FGF1: variants seen among roughly 807,000 people sequenced by gnomAD.
FGF1 encodes the protein beta-endothelial cell growth factor.
A neutral mutation model predicts 13.4 loss-of-function variants in FGF1; 9 were observed. That is an observed-to-expected ratio of 0.67 (90% confidence interval 0.40 to 1.17). The LOEUF is 1.17. Among genes scored for constraint, FGF1 ranks in the 50% most tolerant of loss-of-function variants. FGF1 has a pLI of 0.01. For synonymous variants in FGF1, 93 were observed against 79.0 expected (o/e 1.18, Z -0.94); for missense variants, 156 against 192.7 (o/e 0.81, Z 1.13).
chr5:142,617,273 G>A (rs866881438), intron 1 of FGF1, among the ~76,000 whole-genome samples: 1 of 152,140 alleles, frequency 6.6e-6, no homozygotes, highest in Non-Finnish European at 1.5e-5. Flanking sequence ...GCTGAGGCAG[G>A]AGAATGGCAT....
chr5:142,597,153 C>A (rs1158083968), intron 3 of FGF1, among the ~76,000 whole-genome samples: 1 of 152,136 alleles, frequency 6.6e-6, no homozygotes, highest in Admixed American at 6.5e-5. Flanking sequence ...GCACAGTTGG[C>A]GAGAAAAATT....
At chr5:142,617,307 G>A (rs1235318447) in intron 1 of FGF1, among the ~76,000 whole-genome samples, 1 of 152,136 alleles carries the variant, frequency 6.6e-6, no homozygotes, top group African/African-American at 2.4e-5. Flanking sequence ...GACAGTTGCA[G>A]TGAGCCAAGA....
chr5:142,653,850 T>C (rs574342478), intron 1 of FGF1, among the ~76,000 whole-genome samples: 1 of 152,218 alleles, frequency 6.6e-6, no homozygotes, highest in East Asian at 1.9e-4. Context: ...TCTCAGCACT[T>C]TGGGAGGCTG....
chr5:142,657,672 C>T (rs540083331), intron 1 of FGF1, among the ~76,000 whole-genome samples: 172 of 152,364 alleles, frequency 1.1e-3, no homozygotes, highest in African/African-American at 3.8e-3. Context: ...CTGCTGGCTG[C>T]GGCTGCGGCC....
chr5:142,628,619 G>C (rs1762840202), intron 1 of FGF1, among the ~76,000 whole-genome samples: 1 of 152,104 alleles, frequency 6.6e-6, no homozygotes, highest in Non-Finnish European at 1.5e-5. Flanking sequence ...CTCAAAACAT[G>C]GTTTGCTTTT....
chr5:142,696,075 G>A (rs1753066103), intron 2 of FGF1, among the ~76,000 whole-genome samples: 1 of 152,176 alleles, frequency 6.6e-6, no homozygotes, highest in South Asian at 2.1e-4. Context: ...TCTGGGCCTG[G>A]TGCATGGTCT....
At chr5:142,610,944 C>T (rs904823032) in intron 2 of FGF1, among the ~76,000 whole-genome samples, 10 of 152,120 alleles carry the variant, frequency 6.6e-5, no homozygotes, top group Non-Finnish European at 1.2e-4. Flanking sequence ...AAAGAGAAGC[C>T]GTGAAAGGAG....
At chr5:142,638,358 C>G (rs1764627931) in intron 1 of FGF1, among the ~76,000 whole-genome samples, 1 of 152,068 alleles carries the variant, frequency 6.6e-6, no homozygotes, top group Non-Finnish European at 1.5e-5. Context: ...TCCTTCTTCT[C>G]CCTCAGACTT....
chr5:142,633,675 A>G (rs1234018931), intron 1 of FGF1, among the ~76,000 whole-genome samples: 2 of 152,318 alleles, frequency 1.3e-5, no homozygotes. Flanking sequence ...CAGAATGCCC[A>G]CTGCAGCATT....
intron 2 of FGF1, among the ~76,000 whole-genome samples, chr5:142,694,366 A>C (rs1752770497): frequency 1.3e-5 from 2 of 152,200 alleles, no homozygotes; most frequent in Admixed American, 6.5e-5. Flanking sequence ...GATATTGTAA[A>C]GATAAAGAAA....
intron 2 of FGF1, 60 bp from the exon 3 acceptor site, chr5:142,600,865 C>T (rs1317890952): frequency 7.0e-6 from 9 of 1,276,900 alleles, no homozygotes; most frequent in African/African-American, 1.5e-5. Flanking sequence ...CGATAGGACC[C>T]GGCAGCCAGG....
At chr5:142,662,477 G>A (rs999613386) in intron 1 of FGF1, among the ~76,000 whole-genome samples, 6 of 152,210 alleles carry the variant, frequency 3.9e-5, no homozygotes, top group African/African-American at 1.4e-4. Context: ...TAAACTTCAA[G>A]AGGGGAAGGA....
intron 2 of FGF1, among the ~76,000 whole-genome samples, chr5:142,607,890 G>C (rs10079038): frequency 0.079 from 11,989 of 152,152 alleles, 795 homozygotes; most frequent in East Asian, 0.18. Flanking sequence ...GTGCTAGCCC[G>C]CAACTCACTG....
At chr5:142,601,622 G>C (rs995707052) in intron 2 of FGF1, among the ~76,000 whole-genome samples, 2 of 152,070 alleles carry the variant, frequency 1.3e-5, no homozygotes, top group Non-Finnish European at 2.9e-5. Flanking sequence ...AGCTAGGGGG[G>C]GCGGGTGCTA....
intron 2 of FGF1, among the ~76,000 whole-genome samples, chr5:142,611,203 T>C (rs182185105): frequency 2.3e-3 from 353 of 152,284 alleles, no homozygotes; most frequent in African/African-American, 7.8e-3. Context: ...TGTTTCTGAA[T>C]AACCCTTGAA....
chr5:142,693,684 T>C (rs1752603217), intron 2 of FGF1, among the ~76,000 whole-genome samples: 1 of 152,140 alleles, frequency 6.6e-6, no homozygotes, highest in South Asian at 2.1e-4. Context: ...AGCAGTTCAT[T>C]CCCCATTCCT....
At chr5:142,692,835 C>CAAAT (rs1752458235) in intron 2 of FGF1, among the ~76,000 whole-genome samples, 1 of 151,896 alleles carries the variant, frequency 6.6e-6, no homozygotes, top group Non-Finnish European at 1.5e-5. Context: ...AACAAACAAA[C>CAAAT]AAACAAACAA....
chr5:142,602,513 A>G (rs774257679), intron 2 of FGF1, among the ~76,000 whole-genome samples: 9 of 152,124 alleles, frequency 5.9e-5, no homozygotes, highest in African/African-American at 2.2e-4. Context: ...AATAGGAAAT[A>G]TACTTCCATT....
At chr5:142,595,598 G>C (rs764735590) in intron 3 of FGF1, 114 bp from the exon 4 acceptor site, 1 of 844,096 alleles carries the variant, frequency 1.2e-6, no homozygotes, top group Non-Finnish European at 1.8e-6. Context: ...CCATGCCTCA[G>C]TCTCCTTTTC....
Sources: gnomAD v4.1 joint callset for allele counts (sites outside exome capture counted in the v4.1 genomes callset) on GRCh38, gnomAD v4.1.1 for gene constraint, MANE v1.5 for transcripts, NCBI Gene and HGNC (gene_info 2026-07-23, HGNC 2026-07-21) for gene names.